The following SKA1 variants were observed in gnomAD, a reference collection of about 807,000 sequenced individuals.
SKA1 encodes the protein SKA complex subunit 1.
In SKA1, 20 loss-of-function variants were observed where a neutral mutation model predicts 31.8. That is an observed-to-expected ratio of 0.63 (90% CI 0.44 to 0.91). The LOEUF (loss-of-function observed/expected upper bound fraction) is 0.91, where lower values mean the gene tolerates loss of function less well. SKA1 is among the 40% of genes least tolerant of loss of function. The pLI is 0.00. For missense variants in SKA1, 253 were observed against 298.2 expected (o/e 0.85, Z 1.12); for synonymous variants, 88 against 100.5 (o/e 0.88, Z 0.74).
At chr18:50,378,991 A>G (rs28521444) in intron 2 of SKA1, among the ~76,000 whole-genome samples, 56,729 of 151,882 alleles carry the variant, frequency 0.37, 11,102 homozygotes, top group East Asian at 0.62. Context: ...CTATCTTCAC[A>G]GTAATGAGGT....
Position 50,385,255 on chromosome 18 carries a change from A to C in SKA1, c.351A>C (p.Lys117Asn). 6.2e-7 allele frequency: 1 copy of C among 1,613,650 alleles called. No homozygotes were observed. The highest frequency in any genetic ancestry group is 8.5e-7 in the Non-Finnish European group (1 of 1,179,770). ...ATCTTGATCCTGAAGAACCAATCAA[A>C]GTTGAAGAACCTGAACCCGTAAAGA... ...GSDLDPEEPIKVEEPEPVKKP... is the reference protein window; with the variant it reads ...GSDLDPEEPINVEEPEPVKKP... Residue 117 changes from lysine (K) to asparagine (N), a missense_variant, in exon 5 of 7, where the codon AAA becomes AAC. By Grantham distance (94) the Lys-to-Asn change is moderately conservative. Coordinates refer to ENST00000285116, the MANE Select transcript of SKA1 (RefSeq NM_145060.4).
At chr18:50,386,332 T>C (rs1391788933) in intron 5 of SKA1, among the ~76,000 whole-genome samples, 1 of 152,238 alleles carries the variant, frequency 6.6e-6, no homozygotes, top group East Asian at 1.9e-4. Context: ...GGAGAGTCCC[T>C]GAGGCAAAGA....
At position 50,392,129 on chromosome 18, in the gene SKA1, A is replaced by C; in HGVS notation, c.650A>C (p.Lys217Thr). ...GRYFIVEADI[K>T]EFTTLKADKK... ...TATTTTATAGTGGAAGCTGACATAA[A>C]GGAGTTCACAACTTTGAAAGCTGAC... Residue 217 changes from lysine to threonine, a missense_variant, in exon 7 of 7, where the codon AAG (lysine) becomes ACG (threonine). Transcript: ENST00000285116. 1.9e-6 allele frequency: 3 copies of C among 1,602,504 alleles called. No homozygotes were observed. In the Middle Eastern group the frequency reaches 5.0e-4, roughly 267 times the overall value.
At chr18:50,380,089 T>C in intron 2 of SKA1, 37 bp from the exon 3 acceptor site, 1 of 1,462,386 alleles carries the variant, frequency 6.8e-7, no homozygotes, top group Non-Finnish European at 9.0e-7. Flanking sequence ...TGCTTTTCTA[T>C]ACACTTTGTT....
rs2041380905 is a variant in SKA1, at chr18:50,394,009, A to G, written c.*1762A>G. ...GAGTTCAGGGAGCTTCAGGGTTGGC[A>G]AACATTTTGATGTGCCAGGAAGGTG... On this transcript the variant is annotated 3_prime_UTR_variant, in exon 7 of 7. Transcript: ENST00000285116. 1 of 152,240 alleles carries G rather than the reference A, an allele frequency of 6.6e-6. No homozygotes were observed. The allele number at this position is 152,240 out of a possible 1,614,324, so 9.4% of individuals were successfully genotyped here.
chr18:50,378,681 A>C (rs1194331726), intron 2 of SKA1, among the ~76,000 whole-genome samples: 2 of 12,364 alleles, frequency 1.6e-4, no homozygotes, highest in Admixed American at 1.3e-3. Flanking sequence ...TCTCAAAAAA[A>C]AAAAAAAAAA....
rs556894958 is a variant in SKA1 at position 50,393,781 on chromosome 18, G to A, written c.*1534G>A. ...CTCCTAAATTCCTTTAAATTTCCCA[G>A]TGATAGGAGAATTTTTTGTTCTAAT... On this transcript the variant is annotated 3_prime_UTR_variant, in exon 7 of 7. Coordinates refer to ENST00000285116, the MANE Select transcript of SKA1 (RefSeq NM_145060.4). 7.9e-4 allele frequency: 120 copies of A among 152,230 alleles called. No individual in the cohort carries two copies. The highest frequency in any genetic ancestry group is 2.7e-3 in the African/African-American group (114 of 41,532). The allele number at this position is 152,230 out of a possible 1,614,324, so 9.4% of individuals were successfully genotyped here.
intron 5 of SKA1, among the ~76,000 whole-genome samples, chr18:50,389,596 C>T (rs1321199976): frequency 1.3e-5 from 2 of 151,896 alleles, no homozygotes; most frequent in African/African-American, 4.8e-5. Flanking sequence ...GGGTTTCAGC[C>T]ATGTTGGCCA....
At chr18:50,391,673 A>T (rs1053897944) in intron 6 of SKA1, among the ~76,000 whole-genome samples, 1 of 152,190 alleles carries the variant, frequency 6.6e-6, no homozygotes, top group African/African-American at 2.4e-5. Flanking sequence ...AGTCCTGTTG[A>T]TATAGCTACT....
chr18:50,380,417 G>C (rs552910331), intron 3 of SKA1, among the ~76,000 whole-genome samples, 167 bp downstream of exon 3: 4 of 152,322 alleles, frequency 2.6e-5, no homozygotes, highest in Admixed American at 2.6e-4. Context: ...GGAATTTGGA[G>C]CTCCACAGCT....
rs1207231346 is a variant in SKA1 at position 50,392,518 on chromosome 18, G to A, written c.*271G>A. On this transcript the variant is annotated 3_prime_UTR_variant, in exon 7 of 7. Coordinates refer to ENST00000285116, the MANE Select transcript of SKA1 (RefSeq NM_145060.4). ...TGAATGGCTGGGACTACAAGCGTGC[G>A]CCACCATGCCTGGCTAATTTTTGTA... 1.6e-4 allele frequency: 35 copies of A among 214,488 alleles called. No individual in the cohort carries two copies. Among genetic ancestry groups the A allele is most frequent in the Non-Finnish European group, 2.3e-4 (26 of 110,772 alleles). 13.3% of individuals were successfully genotyped at this position (214,488 alleles called of 1,614,324 possible).
At chr18:50,389,402 CTTT>C (rs1599731383) in intron 5 of SKA1, among the ~76,000 whole-genome samples, 1 of 78,998 alleles carries the variant, frequency 1.3e-5, no homozygotes, top group African/African-American at 4.8e-5. Flanking sequence ...TTTTTTTTTA[CTTT>C]TTTTGTTTTT....
intron 1 of SKA1, 178 bp downstream of exon 1, chr18:50,375,372 C>T (rs773040862): frequency 6.5e-6 from 1 of 152,926 alleles, no homozygotes; most frequent in Non-Finnish European, 1.5e-5. Context: ...GGTTCTTTCC[C>T]ATTTCTCGGC....
chr18:50,382,325 CA>C, intron 4 of SKA1, 99 bp downstream of exon 4: 1 of 656,672 alleles, frequency 1.5e-6, no homozygotes, highest in Non-Finnish European at 2.4e-6. Flanking sequence ...GCAGTTTTGT[CA>C]GCGATGATCT....
intron 4 of SKA1, among the ~76,000 whole-genome samples, chr18:50,384,085 T>A (rs2041283393): frequency 6.6e-6 from 1 of 152,218 alleles, no homozygotes; most frequent in Non-Finnish European, 1.5e-5. Context: ...TTGCTTAACT[T>A]CTAAGCTTTA....
chr18:50,382,040 A>G, intron 3 of SKA1, 89 bp from the exon 4 acceptor site: 2 of 800,744 alleles, frequency 2.5e-6, no homozygotes, highest in Non-Finnish European at 3.9e-6. Flanking sequence ...CACTGTGATT[A>G]TGGTTCACTG....
At chr18:50,379,213 C>A (rs1213809495) in intron 2 of SKA1, among the ~76,000 whole-genome samples, 1 of 152,066 alleles carries the variant, frequency 6.6e-6, no homozygotes, top group African/African-American at 2.4e-5. Context: ...TCTTTTATTT[C>A]TAGGGAGGAA....
At position 50,375,054 on chromosome 18, in the gene SKA1, G is replaced by A. The variant is rs896909888; in HGVS notation, c.-152G>A. 6.6e-6 allele frequency: 1 copy of A among 152,454 alleles called. No homozygotes were observed. Among genetic ancestry groups the A allele is most frequent in the Non-Finnish European group, 1.5e-5 (1 of 68,208 alleles). 9.4% of individuals were successfully genotyped at this position (152,454 alleles called of 1,614,324 possible). On this transcript the variant is annotated 5_prime_UTR_variant, in exon 1 of 7. Transcript: ENST00000285116. ...GCTTCGGAAGCATGGATGTGCGCCT[G>A]CGCTGCGCTAGGGCGCGGCGGGCGG...
rs1266825946 is a variant in SKA1 at position 50,392,472 on chromosome 18, G to C, written c.*225G>C. 1 of 283,344 alleles carries C rather than the reference G, an allele frequency of 3.5e-6. No homozygotes were observed. The highest frequency in any genetic ancestry group is 6.4e-6 in the Non-Finnish European group (1 of 157,470). The allele number at this position is 283,344 out of a possible 1,614,324, so 17.6% of individuals were successfully genotyped here. The stretch of plus-strand genomic sequence containing the variant: ...CAGCCTCAACCTCCCAGGCTCAAGT[G>C]ATCCTCCCACCTCAGCCCCCTGAAT... On this transcript the variant is annotated 3_prime_UTR_variant, in exon 7 of 7. Coordinates refer to ENST00000285116, the MANE Select transcript of SKA1 (RefSeq NM_145060.4).
Sources: allele counts gnomAD v4.1 joint callset (sites outside exome capture counted in the v4.1 genomes callset), GRCh38; gene constraint gnomAD v4.1.1; transcripts MANE v1.5; gene names NCBI Gene and HGNC (gene_info 2026-07-23, HGNC 2026-07-21).